JMJD1C: variants seen among roughly 807,000 people sequenced by gnomAD.
JMJD1C encodes jumonji domain containing 1C.
JMJD1C carries 31 observed loss-of-function variants against 245.3 expected under a neutral mutation model. The ratio of observed to expected loss-of-function variants is 0.13; its 90% CI spans 0.09 to 0.17. JMJD1C has a LOEUF of 0.17. Among genes scored for constraint, JMJD1C ranks in the 10% least tolerant of loss-of-function variants. The pLI is 1.00. For synonymous variants in JMJD1C, 1,057 were observed against 1,017.4 expected (o/e 1.04, Z -0.74); for missense variants, 2,691 against 3,000.2 (o/e 0.90, Z 2.41).
At chr10:63,295,954 CGTATATGT>C (rs1859333517) in intron 2 of JMJD1C, among the ~76,000 whole-genome samples, 1 of 28,414 alleles carries the variant, frequency 3.5e-5, no homozygotes, top group African/African-American at 1.2e-4. Context: ...TATATATACA[CGTATATGT>C]GTGTGTGTGT....
At chr10:63,188,576 C>T (rs143496291) in intron 18 of JMJD1C, among the ~76,000 whole-genome samples, 101 of 152,302 alleles carry the variant, frequency 6.6e-4, no homozygotes, top group African/African-American at 2.4e-3. Context: ...AGAATACTGT[C>T]ATACAAACAC....
chr10:63,453,246 G>C (rs2133035390), intron 1 of JMJD1C, among the ~76,000 whole-genome samples: 1 of 152,332 alleles, frequency 6.6e-6, no homozygotes, highest in South Asian at 2.1e-4. Context: ...CTGCACTCCA[G>C]CCTGGGTGAC....
At chr10:63,213,432 T>C (rs377224198) in intron 8 of JMJD1C, 41 bp downstream of exon 8, 16 of 1,137,492 alleles carry the variant, frequency 1.4e-5, no homozygotes, top group Non-Finnish European at 2.1e-5. Flanking sequence ...TACATGTTCA[T>C]TAATATATAC....
chr10:63,207,119 G>C lies in JMJD1C; in HGVS notation c.4550C>G (p.Pro1517Arg), dbSNP rs1295328427. The C allele has an allele frequency of 6.2e-7, 1 of 1,614,208 alleles. No homozygotes were observed. Among genetic ancestry groups the C allele is most frequent in the Admixed American group, 1.7e-5 (1 of 60,022 alleles). ...IKNQTLSASL[P>R]LDSTVICSTI... The stretch of plus-strand genomic sequence containing the variant: ...ACTACAGATTACAGTGCTATCCAGA[G>C]GAAGGGAGGCTGAAAGTGTCTGATT... The change falls in exon 10 of 26, where the codon CCT becomes CGT. Residue 1517 changes from proline to arginine, a missense_variant. Coordinates refer to ENST00000399262, the MANE Select transcript of JMJD1C (RefSeq NM_032776.3).
intron 3 of JMJD1C, among the ~76,000 whole-genome samples, chr10:63,259,911 T>G (rs1854478304): frequency 6.6e-6 from 1 of 151,882 alleles, no homozygotes; most frequent in Non-Finnish European, 1.5e-5. Context: ...ATACAGAACT[T>G]TTTTTTTGAG....
intron 2 of JMJD1C, among the ~76,000 whole-genome samples, chr10:63,346,146 G>A (rs986754661): frequency 6.6e-6 from 1 of 152,030 alleles, no homozygotes; most frequent in African/African-American, 2.4e-5. Flanking sequence ...GGCCTCAAGA[G>A]ATTCTCCTAA....
chr10:63,285,942 C>G (rs1857938903), intron 2 of JMJD1C, among the ~76,000 whole-genome samples: 1 of 152,210 alleles, frequency 6.6e-6, no homozygotes, highest in South Asian at 2.1e-4. Context: ...GGAATCTATA[C>G]TTTTTATCAT....
At chr10:63,319,180 C>A (rs560292991) in intron 2 of JMJD1C, among the ~76,000 whole-genome samples, 1 of 151,122 alleles carries the variant, frequency 6.6e-6, no homozygotes, top group South Asian at 2.1e-4. Flanking sequence ...TGGCGTGAAC[C>A]CCGGAGGCGG....
intron 3 of JMJD1C, among the ~76,000 whole-genome samples, chr10:63,258,026 T>G (rs1014749712): frequency 1.8e-4 from 27 of 152,160 alleles, no homozygotes; most frequent in African/African-American, 6.5e-4. Context: ...AGTGTGTGAA[T>G]GGTAGGAAGA....
intron 4 of JMJD1C, among the ~76,000 whole-genome samples, chr10:63,219,483 G>T (rs940368592): frequency 6.6e-6 from 1 of 152,100 alleles, no homozygotes; most frequent in Non-Finnish European, 1.5e-5. Context: ...TCTGAAAAAG[G>T]TGCACTGAAA....
At position 63,515,240 on chromosome 10, in the gene JMJD1C, G is replaced by A. The variant is rs78252995; in HGVS notation, n.113+6498C>T. Among the ~76,000 whole-genome samples the A allele has an allele frequency of 3.3e-3, 503 of 152,286 alleles. 11 individuals carry two copies. Among genetic ancestry groups the A allele is most frequent in the Admixed American group, 0.03 (461 of 15,296 alleles). ...TGGAGGGCTAGAGTTGACTGGAGCT[G>A]CATTTTTCCCATTCCCCAGTTAGGT... On this transcript the variant is annotated intron_variant and non_coding_transcript_variant, in intron 1 of 3. Transcript: ENST00000633035.
At position 63,271,458 on chromosome 10, in the gene JMJD1C, G is replaced by A. The variant is rs191118020; in HGVS notation, c.334-6694C>T. 7.9e-5 allele frequency among the ~76,000 whole-genome samples: 12 copies of A among 152,160 alleles called. No individual in the cohort carries two copies. The East Asian group carries it at 1.7e-3, about 22-fold the overall frequency. ...CTCTCAAAGTGCTGGGATTACAGGC[G>A]TGAGCCACCATGCCCGGATGTAAAT... is the stretch of plus-strand genomic sequence containing the variant. On this transcript the variant is annotated intron_variant, in intron 2 of 25. Coordinates refer to ENST00000399262, the MANE Select transcript of JMJD1C (RefSeq NM_032776.3).
chr10:63,201,496 C>G (rs754057402), intron 10 of JMJD1C, among the ~76,000 whole-genome samples: 6 of 152,162 alleles, frequency 3.9e-5, no homozygotes, highest in Non-Finnish European at 5.9e-5. Flanking sequence ...TGCTCCATCA[C>G]ATTTACTGAC....
chr10:63,343,140 C>T (rs1382823734), intron 2 of JMJD1C, among the ~76,000 whole-genome samples: 1 of 151,974 alleles, frequency 6.6e-6, no homozygotes, highest in Non-Finnish European at 1.5e-5. Context: ...GATAGGCAGA[C>T]CGCTTGAGCT....
At chr10:63,349,188 C>G (rs575840966) in intron 2 of JMJD1C, among the ~76,000 whole-genome samples, 2 of 150,982 alleles carry the variant, frequency 1.3e-5, no homozygotes, top group Admixed American at 1.3e-4. Context: ...AGGAAGCTCC[C>G]CAAAGCCCTC....
chr10:63,211,860 A>T (rs12242540), intron 8 of JMJD1C, among the ~76,000 whole-genome samples: 1 of 151,394 alleles, frequency 6.6e-6, no homozygotes. Flanking sequence ...CCACAAAAAA[A>T]CAAAAAAACC....
chr10:63,400,654 C>T (rs151193530), intron 1 of JMJD1C, among the ~76,000 whole-genome samples: 119 of 152,234 alleles, frequency 7.8e-4, no homozygotes, highest in African/African-American at 2.7e-3. Flanking sequence ...CCTCTGCCTT[C>T]CAGGTTCAAG....
intron 3 of JMJD1C, among the ~76,000 whole-genome samples, chr10:63,233,777 ACACACAC>A (rs1180868718): frequency 7.0e-6 from 1 of 142,976 alleles, no homozygotes; most frequent in African/African-American, 2.5e-5. Flanking sequence ...ACACACACAC[ACACACAC>A]CACCACCAGG....
At chr10:63,226,657 A>G (rs6415875) in intron 3 of JMJD1C, among the ~76,000 whole-genome samples, 127,640 of 148,510 alleles carry the variant, frequency 0.86, 55,520 homozygotes, top group African/African-American at 0.96. Flanking sequence ...CAAGGCAGCA[A>G]TAAGCTATAA....
Sources: allele counts gnomAD v4.1 joint callset (sites outside exome capture counted in the v4.1 genomes callset), GRCh38; gene constraint gnomAD v4.1.1; transcripts MANE v1.5; gene names NCBI Gene and HGNC (gene_info 2026-07-23, HGNC 2026-07-21).